Variants in DUSP5 observed in about 807,000 individuals in gnomAD.
DUSP5 encodes the protein dual specificity phosphatase 5.
Under a neutral mutation model 33.6 loss-of-function variants are expected in DUSP5, and 22 were observed. The ratio of observed to expected loss-of-function variants is 0.66; its 90% CI spans 0.47 to 0.94. The LOEUF is 0.94. Ranked by LOEUF, DUSP5 falls within the 40% of genes least tolerant of loss-of-function variation. The pLI is 0.00. For missense variants in DUSP5, 551 were observed against 522.1 expected (o/e 1.06, Z -0.54); for synonymous variants, 270 against 231.1 (o/e 1.17, Z -1.53).
At position 110,498,103 on chromosome 10, in the gene DUSP5, G is replaced by GGCC. The variant is rs764255757; in HGVS notation, c.-17_-15dup. The GGCC allele has an allele frequency of 1.6e-6, 2 of 1,287,792 alleles. No homozygotes were observed. Among genetic ancestry groups the GGCC allele is most frequent in the Non-Finnish European group, 2.0e-6 (2 of 1,016,420 alleles). The allele number at this position is 1,287,792 out of a possible 1,614,324, so 79.8% of individuals were successfully genotyped here. ...GCGGGGCGCGCGGCGCGGGGCCGCT[G>GGCC]GCCGGCGGCGGCGGCGGCATGAAGG... On this transcript the variant is annotated 5_prime_UTR_variant, in exon 1 of 4. Transcript: ENST00000369583.
intron 1 of DUSP5, among the ~76,000 whole-genome samples, chr10:110,500,736 A>G (rs1860035148): frequency 6.6e-6 from 1 of 152,222 alleles, no homozygotes; most frequent in Non-Finnish European, 1.5e-5. Context: ...AAGAATTGCC[A>G]TGGCTTTTGC....
intron 1 of DUSP5, among the ~76,000 whole-genome samples, chr10:110,501,443 TG>T (rs1346578808): frequency 6.6e-6 from 1 of 152,090 alleles, no homozygotes; most frequent in Non-Finnish European, 1.5e-5. Flanking sequence ...GAAGCGGTAA[TG>T]GCAAGATGAC....
intron 1 of DUSP5, among the ~76,000 whole-genome samples, chr10:110,498,885 G>C (rs1220859889): frequency 2.0e-5 from 3 of 152,132 alleles, no homozygotes; most frequent in Admixed American, 6.5e-5. Context: ...TGATCTGGCG[G>C]GATCAGCAGG....
intron 1 of DUSP5, among the ~76,000 whole-genome samples, chr10:110,499,306 G>T (rs1860008885): frequency 6.6e-6 from 1 of 152,184 alleles, no homozygotes; most frequent in Non-Finnish European, 1.5e-5. Context: ...TTTGGCTTCT[G>T]GTGGTGGGTG....
At chr10:110,502,264 G>A (rs1334486540) in intron 1 of DUSP5, among the ~76,000 whole-genome samples, 2 of 152,208 alleles carry the variant, frequency 1.3e-5, no homozygotes, top group East Asian at 1.9e-4. Flanking sequence ...CTTATAAATG[G>A]AGGAGGTTCC....
intron 2 of DUSP5, among the ~76,000 whole-genome samples, chr10:110,506,635 C>G (rs950486067): frequency 1.3e-5 from 2 of 152,160 alleles, no homozygotes; most frequent in African/African-American, 4.8e-5. Context: ...GGCTTCTCAT[C>G]CTTGTCAGCG....
At position 110,498,091 on chromosome 10, in the gene DUSP5, C is replaced by G. The variant is rs1465011923; in HGVS notation, c.-31C>G. 3.1e-5 allele frequency: 38 copies of G among 1,215,624 alleles called. No individual in the cohort carries two copies. The highest frequency in any genetic ancestry group is 1.4e-4 in the Admixed American group (3 of 21,372). The allele number at this position is 1,215,624 out of a possible 1,614,324, so 75.3% of individuals were successfully genotyped here. A position where few individuals can be genotyped will look rare whatever the true frequency, so the allele number is the denominator to read the frequency against. On this transcript the variant is annotated 5_prime_UTR_variant, in exon 1 of 4. Transcript: ENST00000369583. ...CCGTGGGCACCCGCGGGGCGCGCGG[C>G]GCGGGGCCGCTGGCCGGCGGCGGCG...
Position 110,502,743 on chromosome 10 carries a change from G to T in DUSP5, c.402G>T (p.Ser134=). ...FLKGGYETFY[S]EYPECCVDVK... Reference sequence around the variant, plus strand: ...TAGGGGGATATGAGACTTTCTACTCGGAATATCCTGAGTGTTGCGTGGATG... The same window carrying T: ...TAGGGGGATATGAGACTTTCTACTCTGAATATCCTGAGTGTTGCGTGGATG... The change falls in exon 2 of 4, where the codon TCG becomes TCT. Residue 134 remains serine, a synonymous_variant. Coordinates refer to ENST00000369583, the MANE Select transcript of DUSP5 (RefSeq NM_004419.4). 6.2e-7 allele frequency: 1 copy of T among 1,613,712 alleles called. No homozygotes were observed. The highest frequency in any genetic ancestry group is 8.5e-7 in the Non-Finnish European group (1 of 1,179,834).
chr10:110,506,679 T>C (rs1165067516), intron 2 of DUSP5, among the ~76,000 whole-genome samples: 2 of 152,122 alleles, frequency 1.3e-5, no homozygotes, highest in Non-Finnish European at 2.9e-5. Flanking sequence ...GCCTCCTGGA[T>C]ATGTGCAAAA....
At chr10:110,503,755 T>C (rs1334946) in intron 2 of DUSP5, among the ~76,000 whole-genome samples, 148,155 of 152,362 alleles carry the variant, frequency 0.97, 72,193 homozygotes, top group East Asian at 1. Flanking sequence ...CTCTCAGCTC[T>C]CTGTTGTGAT....
rs1860073879 is a variant in DUSP5 at position 110,502,924 on chromosome 10, C to T, written c.528+55C>T. 6.9e-6 allele frequency: 11 copies of T among 1,603,900 alleles called. No homozygotes were observed. In the South Asian group the frequency reaches 8.9e-5, roughly 13 times the overall value. ...TGAGTGGTATTCTGGGCTCCTGTCT[C>T]CCTTCCTTCCTCAGCACCTGACTGT... is the stretch of plus-strand genomic sequence containing the variant. On this transcript the variant is annotated intron_variant, in intron 2 of 3. Coordinates refer to ENST00000369583, the MANE Select transcript of DUSP5 (RefSeq NM_004419.4).
chr10:110,510,384 A>T lies in DUSP5; in HGVS notation c.1113A>T (p.Ser371=), dbSNP rs370107033. 6.2e-7 allele frequency: 1 copy of T among 1,609,254 alleles called. No homozygotes were observed. Among genetic ancestry groups the T allele is most frequent in the Non-Finnish European group, 8.5e-7 (1 of 1,177,280 alleles). Residue 371 remains serine, a synonymous_variant, in exon 4 of 4, where the codon TCA becomes TCT. Coordinates refer to ENST00000369583, the MANE Select transcript of DUSP5 (RefSeq NM_004419.4). ...LAPVPTHSTV[S]ELSRSPVATA... Reference sequence around the variant, plus strand: ...CGGTGCCTACCCACTCAACAGTCTCAGAGCTCAGCAGAAGCCCTGTGGCAA... The same window carrying T: ...CGGTGCCTACCCACTCAACAGTCTCTGAGCTCAGCAGAAGCCCTGTGGCAA...
At chr10:110,499,887 C>G (rs541456262) in intron 1 of DUSP5, among the ~76,000 whole-genome samples, 1 of 152,300 alleles carries the variant, frequency 6.6e-6, no homozygotes, top group East Asian at 1.9e-4. Context: ...GGTCCCACCT[C>G]TCCTCCCCAT....
Position 110,498,256 on chromosome 10 carries a change from C to T in DUSP5, c.135C>T (p.Val45=). The change falls in exon 1 of 4, where the codon GTC becomes GTT. Residue 45 remains valine, a synonymous_variant. Coordinates refer to ENST00000369583, the MANE Select transcript of DUSP5 (RefSeq NM_004419.4). The part of the protein sequence containing the change: ...AASNVRGSLN[V]NLNSVVLRRA... ...CGAACGTGCGCGGCTCGCTCAACGT[C>T]AACCTCAACTCGGTGGTGCTGCGGC... 1 of 1,502,598 alleles carries T rather than the reference C, an allele frequency of 6.7e-7. No homozygotes were observed. The highest frequency in any genetic ancestry group is 8.9e-7 in the Non-Finnish European group (1 of 1,123,992). The allele number at this position is 1,502,598 out of a possible 1,614,324, so 93.1% of individuals were successfully genotyped here.
chr10:110,498,536 C>T (rs770335017), intron 1 of DUSP5, 36 bp downstream of exon 1: 14 of 1,408,872 alleles, frequency 9.9e-6, no homozygotes, highest in Non-Finnish European at 1.3e-5. Flanking sequence ...CTCGCCCCTC[C>T]GGCGCCCCCG....
rs1860189113 is a variant in DUSP5, at chr10:110,511,232, G to A, written c.*806G>A. 6.6e-6 allele frequency: 1 copy of A among 152,574 alleles called. No homozygotes were observed. Among genetic ancestry groups the A allele is most frequent in the Non-Finnish European group, 1.5e-5 (1 of 68,036 alleles). 9.5% of individuals were successfully genotyped at this position (152,574 alleles called of 1,614,324 possible). A position where few individuals can be genotyped will look rare whatever the true frequency, so the allele number is the denominator to read the frequency against. ...CCAGGAGGAGAAGGGTACTTGCTAGGTATCCTGGGTCAGTGGCGGTGCAAA... is the reference window on the plus strand; with the variant it reads ...CCAGGAGGAGAAGGGTACTTGCTAGATATCCTGGGTCAGTGGCGGTGCAAA... On this transcript the variant is annotated 3_prime_UTR_variant, in exon 4 of 4. Coordinates refer to ENST00000369583, the MANE Select transcript of DUSP5 (RefSeq NM_004419.4).
Position 110,510,295 on chromosome 10 carries a change from T to G in DUSP5, c.1024T>G (p.Leu342Val). The G allele has an allele frequency of 6.2e-7, 1 of 1,614,188 alleles. No homozygotes were observed. The highest frequency in any genetic ancestry group is 8.5e-7 in the Non-Finnish European group (1 of 1,180,030). Residue 342 changes from leucine to valine, a missense_variant, in exon 4 of 4, where the codon TTG becomes GTG. Physicochemically the swap from Leu to Val is conservative, Grantham distance 32. Transcript: ENST00000369583. Reference sequence around the variant, plus strand: ...AGCAGGCTCTTCACTGATAGGCCATTTGCAGACACTGAGCCCTGACATGCA... The same window carrying G: ...AGCAGGCTCTTCACTGATAGGCCATGTGCAGACACTGAGCCCTGACATGCA... ...EAAGSSLIGH[L>V]QTLSPDMQGA...
Position 110,510,186 on chromosome 10 carries a change from C to T in DUSP5, c.915C>T (p.Gly305=). 1.2e-6 allele frequency: 2 copies of T among 1,614,234 alleles called. No individual in the cohort carries two copies. The highest frequency in any genetic ancestry group is 1.1e-5 in the South Asian group (1 of 91,088). ...GGAGCATGGTCTCGCCCAACTTTGG[C>T]TTCATGGGCCAGCTCCTGCAGTACG... ...QRRSMVSPNF[G]FMGQLLQYES... Residue 305 remains glycine, a synonymous_variant, in exon 4 of 4, where the codon GGC becomes GGT. Transcript: ENST00000369583.
chr10:110,498,545 C>T, intron 1 of DUSP5, 45 bp downstream of exon 1: 2 of 1,392,380 alleles, frequency 1.4e-6, no homozygotes, highest in South Asian at 3.1e-5. Context: ...CCGGCGCCCC[C>T]GGGTCCCCTC....
Sources: gnomAD v4.1 joint callset for allele counts (sites outside exome capture counted in the v4.1 genomes callset) on GRCh38, gnomAD v4.1.1 for gene constraint, MANE v1.5 for transcripts, NCBI Gene and HGNC (gene_info 2026-07-23, HGNC 2026-07-21) for gene names.